The following PCCA variants were observed in gnomAD, a reference collection of about 807,000 sequenced individuals.
PCCA encodes the protein propionyl-CoA carboxylase subunit alpha.
A neutral mutation model predicts 101.3 loss-of-function variants in PCCA; 74 were observed. The observed-to-expected ratio is 0.73, with a 90% confidence interval of 0.61 to 0.89. PCCA has a LOEUF of 0.89. Among genes scored for constraint, PCCA ranks in the 40% least tolerant of loss-of-function variants. PCCA has a pLI of 0.00. For missense variants in PCCA, 891 were observed against 907.0 expected, an observed-to-expected ratio of 0.98 and a Z score of 0.23; for synonymous variants, 294 against 313.6, an observed-to-expected ratio of 0.94 and a Z score of 0.66.
intron 18 of PCCA, among the ~76,000 whole-genome samples, chr13:100,352,209 A>C (rs750378548): frequency 9.9e-5 from 15 of 152,190 alleles, no homozygotes; most frequent in Non-Finnish European, 1.9e-4. Context: ...AAGCCTATCA[A>C]GAGCAGATAC....
intron 21 of PCCA, among the ~76,000 whole-genome samples, chr13:100,484,551 G>A (rs1340514499): frequency 6.6e-6 from 1 of 152,190 alleles, no homozygotes; most frequent in Non-Finnish European, 1.5e-5. Flanking sequence ...AAGCTGGACT[G>A]AAGTTACAGA....
intron 19 of PCCA, among the ~76,000 whole-genome samples, chr13:100,414,687 C>T (rs1415551063): frequency 6.6e-6 from 1 of 152,228 alleles, no homozygotes; most frequent in East Asian, 1.9e-4. Flanking sequence ...ATTTAGTGAA[C>T]TATAATAACG....
At chr13:100,214,820 G>A (rs2059425036) in intron 7 of PCCA, among the ~76,000 whole-genome samples, 1 of 151,892 alleles carries the variant, frequency 6.6e-6, no homozygotes, top group South Asian at 2.1e-4. Context: ...ATTGTAAATG[G>A]GATTATTTTC....
At chr13:100,193,977 A>G (rs1286256870) in intron 6 of PCCA, among the ~76,000 whole-genome samples, 1 of 152,054 alleles carries the variant, frequency 6.6e-6, no homozygotes, top group African/African-American at 2.4e-5. Flanking sequence ...AGGCTGAGGC[A>G]GGAAAACGGC....
intron 12 of PCCA, among the ~76,000 whole-genome samples, chr13:100,290,598 C>G (rs1310675727): frequency 2.6e-5 from 4 of 152,132 alleles, no homozygotes; most frequent in Non-Finnish European, 5.9e-5. Flanking sequence ...ATTAACCCTG[C>G]CTTTTAGTCC....
chr13:100,100,889 C>T (rs574549722), intron 1 of PCCA, among the ~76,000 whole-genome samples: 2 of 152,022 alleles, frequency 1.3e-5, no homozygotes, highest in Non-Finnish European at 2.9e-5. Flanking sequence ...CTGCAACCTC[C>T]GCCTCCCGGG....
At chr13:100,306,556 A>G (rs945682316) in intron 14 of PCCA, among the ~76,000 whole-genome samples, 2 of 152,186 alleles carry the variant, frequency 1.3e-5, no homozygotes, top group African/African-American at 2.4e-5. Context: ...GGTTAACAGC[A>G]ATCAGCCTCT....
At chr13:100,456,431 A>G (rs909299500) in intron 21 of PCCA, among the ~76,000 whole-genome samples, 4 of 152,180 alleles carry the variant, frequency 2.6e-5, no homozygotes, top group African/African-American at 9.7e-5. Flanking sequence ...GAGAGATTGT[A>G]ATAAATAAAG....
chr13:100,188,898 TAAATTA>T (rs2057527297), intron 6 of PCCA, among the ~76,000 whole-genome samples: 1 of 150,378 alleles, frequency 6.6e-6, no homozygotes, highest in Admixed American at 6.7e-5. Flanking sequence ...TTTTTTTTTT[TAAATTA>T]TACTTTAAGT....
intron 22 of PCCA, among the ~76,000 whole-genome samples, chr13:100,526,683 G>A (rs532692545): frequency 1.1e-4 from 16 of 152,364 alleles, no homozygotes; most frequent in South Asian, 2.1e-4. Context: ...GGACTTGCCC[G>A]TTTCAAAGAC....
chr13:100,243,669 T>C (rs942782498), intron 8 of PCCA, among the ~76,000 whole-genome samples: 14 of 152,220 alleles, frequency 9.2e-5, no homozygotes, highest in Non-Finnish European at 1.9e-4. Flanking sequence ...CTGAACCTTA[T>C]TGCCTTTACA....
intron 12 of PCCA, among the ~76,000 whole-genome samples, chr13:100,287,768 C>G (rs1172693010): frequency 6.6e-6 from 1 of 151,914 alleles, no homozygotes; most frequent in Non-Finnish European, 1.5e-5. Context: ...ACCATAGCTT[C>G]ATGATTAGTG....
chr13:100,327,535 T>A (rs953494670), intron 16 of PCCA, among the ~76,000 whole-genome samples: 1 of 152,244 alleles, frequency 6.6e-6, no homozygotes, highest in Non-Finnish European at 1.5e-5. Flanking sequence ...CTATTAACCT[T>A]TGTATGTAAG....
chr13:100,203,517 C>T (rs1311065635), intron 6 of PCCA, among the ~76,000 whole-genome samples: 1 of 151,964 alleles, frequency 6.6e-6, no homozygotes, highest in African/African-American at 2.4e-5. Flanking sequence ...TGGTGAAACC[C>T]TGTCTCTACT....
At chr13:100,344,382 G>A (rs2071868703) in intron 18 of PCCA, among the ~76,000 whole-genome samples, 1 of 152,174 alleles carries the variant, frequency 6.6e-6, no homozygotes, top group African/African-American at 2.4e-5. Flanking sequence ...TGAGATCCTT[G>A]ACAGGCATAA....
chr13:100,430,522 A>C (rs1454217816), intron 20 of PCCA, among the ~76,000 whole-genome samples: 1 of 152,112 alleles, frequency 6.6e-6, no homozygotes, highest in Non-Finnish European at 1.5e-5. Context: ...TCTTCTCCCC[A>C]CCAGCATGAT....
chr13:100,487,007 C>T (rs1161518992), intron 21 of PCCA, among the ~76,000 whole-genome samples: 1 of 152,134 alleles, frequency 6.6e-6, no homozygotes, highest in East Asian at 1.9e-4. Context: ...TCTTCATGCT[C>T]TTATGTTAGC....
chr13:100,490,418 C>A (rs959019002), intron 21 of PCCA: 1 of 152,194 alleles, frequency 6.6e-6, no homozygotes, highest in Non-Finnish European at 1.5e-5. Context: ...CAAGGCGGAA[C>A]AAGACCCTCA....
chr13:100,285,635 T>C (rs527715378), intron 12 of PCCA, among the ~76,000 whole-genome samples: 3 of 152,274 alleles, frequency 2.0e-5, no homozygotes, highest in South Asian at 2.1e-4. Context: ...CCTACTTAGA[T>C]ACCAGGTGCT....
Sources: gnomAD v4.1 joint callset for allele counts (sites outside exome capture counted in the v4.1 genomes callset) on GRCh38, gnomAD v4.1.1 for gene constraint, MANE v1.5 for transcripts, NCBI Gene and HGNC (gene_info 2026-07-23, HGNC 2026-07-21) for gene names.